The following AHI1 variants were observed in gnomAD, a reference collection of about 807,000 sequenced individuals.
AHI1 encodes jouberin.
Under a neutral mutation model 149.3 loss-of-function variants are expected in AHI1, and 123 were observed. The observed-to-expected ratio is 0.82, with a 90% CI of 0.71 to 0.96. AHI1 has a LOEUF of 0.96. Ranked by LOEUF, AHI1 falls within the 40% of genes least tolerant of loss-of-function variation. The pLI is 0.00. For synonymous variants in AHI1, 475 were observed against 459.8 expected, an observed-to-expected ratio of 1.03 and a Z score of -0.42; for missense variants, 1,439 against 1,422.7, an observed-to-expected ratio of 1.01 and a Z score of -0.18.
intron 24 of AHI1, among the ~76,000 whole-genome samples, chr6:135,326,512 T>C (rs1202651529): frequency 6.6e-6 from 1 of 152,236 alleles, no homozygotes; most frequent in Admixed American, 6.5e-5. Context: ...TGGTGAAGTC[T>C]GGGCTTTCAG....
chr6:135,287,867 C>T (rs1781882191), intron 28 of AHI1, among the ~76,000 whole-genome samples: 2 of 151,686 alleles, frequency 1.3e-5, no homozygotes, highest in South Asian at 2.1e-4. Flanking sequence ...GAGGCTGAGG[C>T]GGGTGATCAC....
In AHI1 at chr6:135,303,611, T is replaced by C. The variant is rs566665673; in HGVS notation, c.3427-3053A>G. 1.3e-3 allele frequency among the ~76,000 whole-genome samples: 199 copies of C among 152,070 alleles called. 1 individual carries two copies. The highest frequency in any genetic ancestry group is 4.6e-3 in the African/African-American group (192 of 41,512). On this transcript the variant is annotated intron_variant, in intron 26 of 28. Transcript: ENST00000265602. ...GTTCAAAATAAAAACATAAGCATCA[T>C]AGCACCATTCTCTTATTTTACAGAC...
At chr6:135,369,704 T>G (rs1382799387) in intron 23 of AHI1, among the ~76,000 whole-genome samples, 4 of 152,220 alleles carry the variant, frequency 2.6e-5, no homozygotes, top group Non-Finnish European at 5.9e-5. Context: ...ATAATCTGTA[T>G]AATTTTTATT....
intron 24 of AHI1, among the ~76,000 whole-genome samples, chr6:135,326,095 T>G (rs1562505578): frequency 6.6e-6 from 1 of 152,182 alleles, no homozygotes; most frequent in Non-Finnish European, 1.5e-5. Flanking sequence ...ACACATCAAT[T>G]TTGCATGGCC....
At chr6:135,324,826 C>T (rs1411451683) in intron 24 of AHI1, among the ~76,000 whole-genome samples, 1 of 151,812 alleles carries the variant, frequency 6.6e-6, no homozygotes, top group Non-Finnish European at 1.5e-5. Flanking sequence ...GTTTCTGATA[C>T]CTTTTAATCC....
chr6:135,431,642 G>A (rs1237434150), intron 16 of AHI1, among the ~76,000 whole-genome samples: 3 of 152,014 alleles, frequency 2.0e-5, no homozygotes, highest in East Asian at 1.9e-4. Context: ...TGAACCATCC[G>A]ACATGTAACA....
intron 23 of AHI1, among the ~76,000 whole-genome samples, chr6:135,376,440 A>G (rs1257664941): frequency 1.3e-5 from 2 of 152,216 alleles, no homozygotes; most frequent in African/African-American, 4.8e-5. Context: ...CAACACCAAA[A>G]GTGGGACAAG....
chr6:135,347,473 T>C (rs912519631), intron 24 of AHI1, among the ~76,000 whole-genome samples: 14 of 152,246 alleles, frequency 9.2e-5, no homozygotes, highest in African/African-American at 3.4e-4. Flanking sequence ...GGCTCATTTA[T>C]CATAATGAAT....
At chr6:135,309,390 TGTTATAA>T (rs766624294) in intron 26 of AHI1, among the ~76,000 whole-genome samples, 9 of 152,260 alleles carry the variant, frequency 5.9e-5, no homozygotes, top group Middle Eastern at 3.4e-3. Context: ...TCAAAATAGG[TGTTATAA>T]GTTATTGAAA....
At chr6:135,327,788 A>T (rs1216230296) in intron 24 of AHI1, among the ~76,000 whole-genome samples, 1 of 152,020 alleles carries the variant, frequency 6.6e-6, no homozygotes, top group East Asian at 1.9e-4. Flanking sequence ...TTCCACAAAA[A>T]CCTAAGAGGA....
intron 20 of AHI1, among the ~76,000 whole-genome samples, chr6:135,426,872 C>T (rs2128004956): frequency 6.6e-6 from 1 of 151,600 alleles, no homozygotes; most frequent in East Asian, 1.9e-4. Context: ...GCTTTAGTAA[C>T]AACACAGGAT....
chr6:135,415,273 T>C (rs529554347), intron 20 of AHI1, among the ~76,000 whole-genome samples: 99 of 152,220 alleles, frequency 6.5e-4, no homozygotes, highest in African/African-American at 2.2e-3. Context: ...GCAATAAACA[T>C]ATGTGTGCAT....
At chr6:135,483,191 C>A (rs1006053621) in intron 5 of AHI1, among the ~76,000 whole-genome samples, 11 of 151,872 alleles carry the variant, frequency 7.2e-5, no homozygotes, top group African/African-American at 2.7e-4. Flanking sequence ...AGCCACCACA[C>A]CCAGCCCATT....
intron 25 of AHI1, among the ~76,000 whole-genome samples, chr6:135,321,931 A>G (rs941420137): frequency 6.6e-6 from 1 of 152,054 alleles, no homozygotes; most frequent in African/African-American, 2.4e-5. Context: ...CCTCCCAAGT[A>G]GCTGGGATTA....
intron 23 of AHI1, among the ~76,000 whole-genome samples, chr6:135,377,654 A>AT (rs1208415759): frequency 1.3e-5 from 2 of 151,610 alleles, no homozygotes; most frequent in East Asian, 1.9e-4. Context: ...TACTTTTTAA[A>AT]TTTTTTTGTA....
chr6:135,297,955 A>G (rs1426505416), intron 27 of AHI1, among the ~76,000 whole-genome samples: 1 of 152,158 alleles, frequency 6.6e-6, no homozygotes, highest in East Asian at 1.9e-4. Flanking sequence ...GGTTAATAAG[A>G]CTTTAATATG....
intron 24 of AHI1, among the ~76,000 whole-genome samples, chr6:135,353,026 T>C (rs554269924): frequency 6.6e-6 from 1 of 151,246 alleles, no homozygotes; most frequent in Non-Finnish European, 1.5e-5. Context: ...AAAAGAGAAA[T>C]GGAGGAAAAA....
chr6:135,449,437 T>C (rs1307662771), intron 11 of AHI1, among the ~76,000 whole-genome samples: 1 of 152,150 alleles, frequency 6.6e-6, no homozygotes, highest in Non-Finnish European at 1.5e-5. Context: ...AAATAGGAAA[T>C]GAAACGTCTT....
intron 23 of AHI1, among the ~76,000 whole-genome samples, chr6:135,376,030 AAAG>A (rs967965853): frequency 3.9e-5 from 6 of 152,060 alleles, no homozygotes; most frequent in Non-Finnish European, 8.8e-5. Flanking sequence ...AAATGTTAGA[AAAG>A]TAGTACAACA....
Sources: gnomAD v4.1 joint callset for allele counts (sites outside exome capture counted in the v4.1 genomes callset) on GRCh38, gnomAD v4.1.1 for gene constraint, MANE v1.5 for transcripts, NCBI Gene and HGNC (gene_info 2026-07-23, HGNC 2026-07-21) for gene names.